PACRG: variants seen among roughly 807,000 people sequenced by gnomAD.
PACRG encodes the protein parkin coregulated, also known as parkin coregulated gene protein.
PACRG carries 29 observed loss-of-function variants against 29.7 expected under a neutral mutation model. That is an observed-to-expected ratio of 0.98 (90% CI 0.73 to 1.33). The LOEUF (loss-of-function observed/expected upper bound fraction) is 1.33. Among genes scored for constraint, PACRG ranks in the 40% most tolerant of loss-of-function variants. The pLI is 0.00. For missense variants in PACRG, 279 were observed against 316.2 expected (o/e 0.88, Z 0.89); for synonymous variants, 116 against 118.7 (o/e 0.98, Z 0.15).
chr6:162,735,214 T>C (rs536049513), intron 1 of PACRG, among the ~76,000 whole-genome samples: 3 of 152,224 alleles, frequency 2.0e-5, no homozygotes, highest in South Asian at 4.1e-4. Flanking sequence ...ATTTTTACAC[T>C]TTTTTTGGAG....
At chr6:162,798,915 C>T (rs909869529) in intron 1 of PACRG, among the ~76,000 whole-genome samples, 14 of 152,174 alleles carry the variant, frequency 9.2e-5, no homozygotes, top group Admixed American at 3.9e-4. Context: ...ATTTCAAATT[C>T]TGCTTACCAA....
Position 162,847,065 on chromosome 6 carries a change from A to C in PACRG, c.291+32784A>C, listed in dbSNP as rs374352763. 2.9e-4 allele frequency among the ~76,000 whole-genome samples: 33 copies of C among 113,894 alleles called. No individual in the cohort carries two copies. The South Asian group carries it at 4.6e-3, about 16-fold the overall frequency. The allele number at this position is 113,894 out of a possible 152,430, so 74.7% of individuals were successfully genotyped here. On this transcript the variant is annotated intron_variant, in intron 2 of 4. Coordinates refer to ENST00000366888, the MANE Select transcript of PACRG (RefSeq NM_001080379.2). ...GCTGACTGCCGTGCTCCTCATGCTG[A>C]CTGCCATGCTCCCCACACTGCCCAC...
At chr6:162,751,828 T>C (rs1177851675) in intron 1 of PACRG, among the ~76,000 whole-genome samples, 1 of 152,124 alleles carries the variant, frequency 6.6e-6, no homozygotes, top group Non-Finnish European at 1.5e-5. Context: ...TTTTGAACAA[T>C]ACATTGATAA....
intron 2 of PACRG, among the ~76,000 whole-genome samples, chr6:162,984,362 A>G (rs1056200504): frequency 5.3e-5 from 8 of 152,006 alleles, no homozygotes; most frequent in African/African-American, 1.9e-4. Flanking sequence ...ATTCCTGTTT[A>G]TGGCCAAGTA....
At chr6:162,997,072 C>T (rs1250856401) in intron 2 of PACRG, among the ~76,000 whole-genome samples, 1 of 152,100 alleles carries the variant, frequency 6.6e-6, no homozygotes, top group Non-Finnish European at 1.5e-5. Flanking sequence ...AGGCCTTTGT[C>T]ATTTTGTGAT....
intron 2 of PACRG, among the ~76,000 whole-genome samples, chr6:162,900,044 G>A (rs916677636): frequency 6.6e-6 from 1 of 152,100 alleles, no homozygotes; most frequent in African/African-American, 2.4e-5. Context: ...GGGGGAGAGA[G>A]AGCCAGTTCC....
chr6:162,735,794 T>G (rs1780121788), intron 1 of PACRG, among the ~76,000 whole-genome samples: 3 of 152,210 alleles, frequency 2.0e-5, no homozygotes, highest in Non-Finnish European at 4.4e-5. Context: ...GTGTATTTCT[T>G]CATAATGTTT....
rs146591189 is a variant in PACRG, at chr6:163,185,487, T to C, written c.613+96079T>C. On this transcript the variant is annotated intron_variant, in intron 4 of 4. Transcript: ENST00000366888. ...AAGATGTTACTGTTACTTCAACACT[T>C]GGTAAATTTCACTGCAAATATATAA... 4.3e-3 allele frequency among the ~76,000 whole-genome samples: 650 copies of C among 152,298 alleles called. 8 individuals carry two copies. Among genetic ancestry groups the C allele is most frequent in the Non-Finnish European group, 6.9e-3 (467 of 68,022 alleles).
rs77803797 is a variant in PACRG, at chr6:163,260,128, G to A, written c.614-54699G>A. Among the ~76,000 whole-genome samples, 281 of 152,184 alleles carry A rather than the reference G, an allele frequency of 1.8e-3. 1 individual carries two copies. Among genetic ancestry groups the A allele is most frequent in the African/African-American group, 6.6e-3 (272 of 41,518 alleles). On this transcript the variant is annotated intron_variant, in intron 4 of 4. Transcript: ENST00000366888. ...CAACTCTCATCCCCCTTCCCTTCCCGATGTTTTCCCTGCAGCATCGTCCAG... is the reference window on the plus strand; with the variant it reads ...CAACTCTCATCCCCCTTCCCTTCCCAATGTTTTCCCTGCAGCATCGTCCAG...
At chr6:162,785,744 CAGG>C (rs1784418069) in intron 1 of PACRG, among the ~76,000 whole-genome samples, 1 of 152,210 alleles carries the variant, frequency 6.6e-6, no homozygotes, top group Non-Finnish European at 1.5e-5. Context: ...ACTGATCTAA[CAGG>C]AGGCGGAGCT....
chr6:163,309,834 T>C (rs1235212097), intron 4 of PACRG, among the ~76,000 whole-genome samples: 3 of 152,216 alleles, frequency 2.0e-5, no homozygotes, highest in African/African-American at 7.2e-5. Context: ...TGCTGCCGCT[T>C]CAGCCAGGAC....
In PACRG at chr6:163,258,528, C is replaced by T. The variant is rs143577061; in HGVS notation, c.614-56299C>T. On this transcript the variant is annotated intron_variant, in intron 4 of 4. Coordinates refer to ENST00000366888, the MANE Select transcript of PACRG (RefSeq NM_001080379.2). ...ATCCCAGCACTTTGGGAGGCCGAGA[C>T]GAGCAGATCACGAGGTCAGGAGATC... 7.2e-3 allele frequency among the ~76,000 whole-genome samples: 1,094 copies of T among 152,188 alleles called. 15 individuals are homozygous for T. The highest frequency in any genetic ancestry group is 0.025 in the African/African-American group (1,040 of 41,526).
chr6:162,774,697 T>C (rs965922457), intron 1 of PACRG, among the ~76,000 whole-genome samples: 11 of 152,244 alleles, frequency 7.2e-5, no homozygotes, highest in South Asian at 2.1e-4. Flanking sequence ...TTATTCTTAA[T>C]GTTTTTTTCT....
intron 1 of PACRG, among the ~76,000 whole-genome samples, chr6:162,732,720 A>G (rs1779867228): frequency 6.6e-6 from 1 of 152,196 alleles, no homozygotes; most frequent in African/African-American, 2.4e-5. Context: ...AGGCTTGTAC[A>G]ATATCATCCA....
At position 163,137,252 on chromosome 6, in the gene PACRG, A is replaced by G. The variant is rs186355194; in HGVS notation, c.613+47844A>G. Among the ~76,000 whole-genome samples, 20 of 152,184 alleles carry G rather than the reference A, an allele frequency of 1.3e-4. No individual in the cohort carries two copies. The East Asian group carries it at 3.7e-3, about 28-fold the overall frequency. ...CCCCATTCTTTCCAATGTCACACAG[A>G]CTTTGGAGATGAATTTAAATTTCAT... On this transcript the variant is annotated intron_variant, in intron 4 of 4. Coordinates refer to ENST00000366888, the MANE Select transcript of PACRG (RefSeq NM_001080379.2).
chr6:162,756,914 C>T (rs1781971386), intron 1 of PACRG, among the ~76,000 whole-genome samples: 1 of 152,100 alleles, frequency 6.6e-6, no homozygotes, highest in East Asian at 1.9e-4. Flanking sequence ...CATGTAAAAA[C>T]TCTAAAACAC....
intron 2 of PACRG, among the ~76,000 whole-genome samples, chr6:162,858,212 G>C (rs974164591): frequency 2.6e-5 from 4 of 152,098 alleles, no homozygotes; most frequent in African/African-American, 9.7e-5. Context: ...CACATGGCGG[G>C]GGAGGCCTCA....
chr6:162,881,685 T>G (rs1384164964), intron 2 of PACRG, among the ~76,000 whole-genome samples: 1 of 146,116 alleles, frequency 6.8e-6, no homozygotes, highest in Non-Finnish European at 1.5e-5. Context: ...AGGGACACTC[T>G]CCAACAATAC....
intron 2 of PACRG, among the ~76,000 whole-genome samples, chr6:162,899,388 C>T (rs1795393898): frequency 6.6e-6 from 1 of 152,074 alleles, no homozygotes; most frequent in Admixed American, 6.6e-5. Flanking sequence ...GCCCAGAGGA[C>T]GTCTCACCTT....
Sources: gnomAD v4.1 joint callset for allele counts (sites outside exome capture counted in the v4.1 genomes callset) on GRCh38, gnomAD v4.1.1 for gene constraint, MANE v1.5 for transcripts, NCBI Gene and HGNC (gene_info 2026-07-23, HGNC 2026-07-21) for gene names.